The following PDE6B variants were observed in gnomAD, a reference collection of about 807,000 sequenced individuals.
The protein encoded by PDE6B is phosphodiesterase 6B, also known as rod cGMP-specific 3',5'-cyclic phosphodiesterase subunit beta.
PDE6B carries 106 observed loss-of-function variants against 109.0 expected under a neutral mutation model. The observed-to-expected ratio is 0.97, with a 90% CI of 0.83 to 1.14. The LOEUF is 1.14. Among genes scored for constraint, PDE6B ranks in the 50% most tolerant of loss-of-function variants. PDE6B has a pLI of 0.00. For missense variants in PDE6B, 1,193 were observed against 1,155.6 expected (o/e 1.03, Z -0.47); for synonymous variants, 490 against 471.3 (o/e 1.04, Z -0.51).
At chr4:655,756 C>A in intron 6 of PDE6B, 184 bp from the exon 7 acceptor site, 1 of 665,956 alleles carries the variant, frequency 1.5e-6, no homozygotes. Context: ...TCCAGCGCAG[C>A]CTGGCCCCTC....
At chr4:655,093 A>G (rs1736060067) in intron 6 of PDE6B, 1 of 608,856 alleles carries the variant, frequency 1.6e-6, no homozygotes, top group African/African-American at 1.8e-5. Flanking sequence ...GTTCTGGGAG[A>G]TGGTGAGGAG....
intron 3 of PDE6B, among the ~76,000 whole-genome samples, chr4:637,312 C>T (rs896623482): frequency 4.6e-5 from 7 of 151,964 alleles, no homozygotes; most frequent in Admixed American, 2.0e-4. Flanking sequence ...ACCTCTGCCC[C>T]CCCGGTTCAA....
intron 3 of PDE6B, among the ~76,000 whole-genome samples, chr4:649,771 A>G (rs1396410705): frequency 6.6e-6 from 1 of 151,716 alleles, no homozygotes; most frequent in Non-Finnish European, 1.5e-5. Context: ...CTCTGGCCCT[A>G]CTCCACTGGC....
In PDE6B at chr4:626,086, G is replaced by A. The variant is rs756889736; in HGVS notation, c.460G>A (p.Val154Met). Residue 154 changes from valine to methionine, a missense_variant, in exon 1 of 22, where the codon GTG becomes ATG. By Grantham distance (21) the Val-to-Met change is conservative. Transcript: ENST00000496514. The surrounding 1 kb of genome is among the most constrained non-coding windows in gnomAD (Gnocchi z 4.6). ...QTKKMVNVED[V>M]AECPHFSSFA... ...CAAAAAGATGGTGAACGTCGAGGACGTGGCCGAGGTGGGTCTGTGCGGAGC... is the reference window on the plus strand; with the variant it reads ...CAAAAAGATGGTGAACGTCGAGGACATGGCCGAGGTGGGTCTGTGCGGAGC... The A allele has an allele frequency of 8.3e-6, 13 of 1,569,416 alleles. No individual in the cohort carries two copies. The African/African-American group carries it at 9.5e-5, about 11-fold the overall frequency.
intron 3 of PDE6B, among the ~76,000 whole-genome samples, chr4:650,028 C>T (rs566192878): frequency 3.9e-5 from 6 of 152,342 alleles, no homozygotes; most frequent in Admixed American, 2.0e-4. Context: ...GGGACACAAC[C>T]TCAGCTTCCA....
At chr4:656,803 T>C in intron 8 of PDE6B, 71 bp from the exon 9 acceptor site, 7 of 1,480,712 alleles carry the variant, frequency 4.7e-6, no homozygotes, top group Non-Finnish European at 6.6e-6. Context: ...ATGAGGTCAC[T>C]CTCCCCGGCC....
Position 658,177 on chromosome 4 carries a change from T to C in PDE6B, c.1401+683T>C, listed in dbSNP as rs546271728. Among the ~76,000 whole-genome samples, 4 of 45,106 alleles carry C rather than the reference T, an allele frequency of 8.9e-5. No homozygotes were observed. In the East Asian group the frequency reaches 2.0e-3, roughly 23 times the overall value. The allele number at this position is 45,106 out of a possible 152,430, so 29.6% of individuals were successfully genotyped here. ...GTCACCAGGGGTCATGGCTGTATGGTGGGGGCAAGTCGCCAGGGGTCACGG... is the reference window on the plus strand; with the variant it reads ...GTCACCAGGGGTCATGGCTGTATGGCGGGGGCAAGTCGCCAGGGGTCACGG... On this transcript the variant is annotated intron_variant, in intron 10 of 21. Coordinates refer to ENST00000496514, the MANE Select transcript of PDE6B (RefSeq NM_000283.4).
Position 662,673 on chromosome 4 carries a change from G to T in PDE6B, c.1832+55G>T. ...AGCCCTAAATCAACTCCACGCCCTT[G>T]GCGTGAATTAGGCTTCGCATAGCAG... is the stretch of plus-strand genomic sequence containing the variant. On this transcript the variant is annotated intron_variant, in intron 14 of 21. Coordinates refer to ENST00000496514, the MANE Select transcript of PDE6B (RefSeq NM_000283.4). The surrounding 1 kb of genome is among the most constrained non-coding windows in gnomAD (Gnocchi z 4.3). The T allele has an allele frequency of 8.9e-7, 1 of 1,129,654 alleles. No homozygotes were observed. The highest frequency in any genetic ancestry group is 1.2e-5 in the South Asian group (1 of 81,512). The allele number at this position is 1,129,654 out of a possible 1,614,324, so 70.0% of individuals were successfully genotyped here.
In PDE6B at chr4:654,827, A is replaced by G; in HGVS notation, c.931A>G (p.Ile311Val). 6.5e-7 allele frequency: 1 copy of G among 1,539,152 alleles called. No individual in the cohort carries two copies. The highest frequency in any genetic ancestry group is 9.0e-7 in the Non-Finnish European group (1 of 1,111,600). ...ACCAGTGTCTTCTGCTTCTCAGGAAATTGTCTTCTACAAAGTGATCGACTA... is the reference window on the plus strand; with the variant it reads ...ACCAGTGTCTTCTGCTTCTCAGGAAGTTGTCTTCTACAAAGTGATCGACTA... ...SGPRTPDGREIVFYKVIDYVL... is the reference protein window; with the variant it reads ...SGPRTPDGREVVFYKVIDYVL... The change falls in exon 6 of 22, where the codon ATT becomes GTT. Residue 311 changes from isoleucine (I) to valine (V), a missense_variant. By Grantham distance (29) the Ile-to-Val change is conservative (BLOSUM62 3). Transcript: ENST00000496514.
rs926145554 is a variant in PDE6B, at chr4:633,702, G to A, written c.469-975G>A. ...CCCTGTGCCCACTGCAGGTCGCACA[G>A]GTGGGAAGTCCTGACCCCAGCAGGG... On this transcript the variant is annotated intron_variant, in intron 1 of 21. Coordinates refer to ENST00000496514, the MANE Select transcript of PDE6B (RefSeq NM_000283.4). The surrounding 1 kb of genome is among the most constrained non-coding windows in gnomAD (Gnocchi z 4.5). 6.6e-6 allele frequency among the ~76,000 whole-genome samples: 1 copy of A among 152,194 alleles called. No homozygotes were observed. The highest frequency in any genetic ancestry group is 1.5e-5 in the Non-Finnish European group (1 of 68,028).
rs566820870 is a variant in PDE6B at position 665,680 on chromosome 4, A to C, written c.2268+351A>C. ...GGGAGGGTGCTGGGGCAGAGAACGCATGGGGGGCGTCCCGGGCCCACACAG... is the reference window on the plus strand; with the variant it reads ...GGGAGGGTGCTGGGGCAGAGAACGCCTGGGGGGCGTCCCGGGCCCACACAG... On this transcript the variant is annotated intron_variant, in intron 19 of 21. Transcript: ENST00000496514. The surrounding 1 kb of genome is among the most constrained non-coding windows in gnomAD (Gnocchi z 4.0). Among the ~76,000 whole-genome samples, 17 of 152,206 alleles carry C rather than the reference A, an allele frequency of 1.1e-4. No individual in the cohort carries two copies. Among genetic ancestry groups the C allele is most frequent in the Admixed American group, 2.0e-4 (3 of 15,300 alleles).
Position 657,344 on chromosome 4 carries a change from C to T in PDE6B, c.1258-7C>T, listed in dbSNP as rs1471191246. Reference sequence around the variant, plus strand: ...CTGAGCGCCAGTGACACTGCCATCCCCTCCAGTCCCTGACACAGTTCCTGG... The same window carrying T: ...CTGAGCGCCAGTGACACTGCCATCCTCTCCAGTCCCTGACACAGTTCCTGG... On this transcript the variant is annotated splice_polypyrimidine_tract_variant and splice_region_variant and intron_variant, in intron 9 of 21. Coordinates refer to ENST00000496514, the MANE Select transcript of PDE6B (RefSeq NM_000283.4). 1 of 1,612,702 alleles carries T rather than the reference C, an allele frequency of 6.2e-7. No individual in the cohort carries two copies. The highest frequency in any genetic ancestry group is 1.3e-5 in the African/African-American group (1 of 74,940).
rs1734093097 is a variant in PDE6B at position 626,163 on chromosome 4, G to T, written c.468+69G>T. Reference sequence around the variant, plus strand: ...TTGCACCTGTCCCAGGTGTCTAAGGGTCAGCTCGGATCCTCAGGCCTCCAG... The same window carrying T: ...TTGCACCTGTCCCAGGTGTCTAAGGTTCAGCTCGGATCCTCAGGCCTCCAG... On this transcript the variant is annotated intron_variant, in intron 1 of 21. Transcript: ENST00000496514. The surrounding 1 kb of genome is among the most constrained non-coding windows in gnomAD (Gnocchi z 4.6). The T allele has an allele frequency of 2.0e-6, 2 of 981,238 alleles. No individual in the cohort carries two copies. Among genetic ancestry groups the T allele is most frequent in the East Asian group, 5.2e-5 (2 of 38,456 alleles). The allele number at this position is 981,238 out of a possible 1,614,324, so 60.8% of individuals were successfully genotyped here. A position where few individuals can be genotyped will look rare whatever the true frequency, so the allele number is the denominator to read the frequency against.
chr4:648,523 C>G lies in PDE6B; in HGVS notation c.712-5329C>G, dbSNP rs1735321728. ...GATTGAAGCAGCCTCTGGGCGCTCC[C>G]CCCTCCCTCTGTCCCGGGCCCTCAC... On this transcript the variant is annotated intron_variant, in intron 3 of 21. Coordinates refer to ENST00000496514, the MANE Select transcript of PDE6B (RefSeq NM_000283.4). This position sits in a 1 kb window ranked among gnomAD's most constrained non-coding sequence, Gnocchi z 4.5. Among the ~76,000 whole-genome samples the G allele has an allele frequency of 6.6e-6, 1 of 152,206 alleles. No homozygotes were observed. The highest frequency in any genetic ancestry group is 1.5e-5 in the Non-Finnish European group (1 of 68,036).
In PDE6B at chr4:662,788, G is replaced by A. The variant is rs558458704; in HGVS notation, c.1832+170G>A. 2.7e-5 allele frequency among the ~76,000 whole-genome samples: 4 copies of A among 149,082 alleles called. No homozygotes were observed. The highest frequency in any genetic ancestry group is 2.0e-4 in the East Asian group (1 of 5,070). Reference sequence around the variant, plus strand: ...GGGGATTGCTTGAGCCCAGGAGTTCGAGACCAGCCTGGGCAACATGGCAAG... The same window carrying A: ...GGGGATTGCTTGAGCCCAGGAGTTCAAGACCAGCCTGGGCAACATGGCAAG... On this transcript the variant is annotated intron_variant, in intron 14 of 21. Transcript: ENST00000496514. The surrounding 1 kb of genome is among the most constrained non-coding windows in gnomAD (Gnocchi z 4.3).
rs1737408480 is a variant in PDE6B at position 663,676 on chromosome 4, GAGGCACA to G, written c.1921-93_1921-87del. 1.1e-6 allele frequency: 1 copy of G among 891,028 alleles called. No homozygotes were observed. The highest frequency in any genetic ancestry group is 1.9e-6 in the Non-Finnish European group (1 of 538,490). The allele number at this position is 891,028 out of a possible 1,614,324, so 55.2% of individuals were successfully genotyped here. A position where few individuals can be genotyped will look rare whatever the true frequency, so the allele number is the denominator to read the frequency against. ...CGAGGGCCCGAGGGCGGGGGCGTGAGAGGCACAGGCAGCCGAGGCGGAAGGGGCGGGG... is the reference window on the plus strand; with the variant it reads ...CGAGGGCCCGAGGGCGGGGGCGTGAGGGCAGCCGAGGCGGAAGGGGCGGGG... On this transcript the variant is annotated intron_variant, in intron 15 of 21. Coordinates refer to ENST00000496514, the MANE Select transcript of PDE6B (RefSeq NM_000283.4). The surrounding 1 kb of genome is among the most constrained non-coding windows in gnomAD (Gnocchi z 4.0).
chr4:631,271 G>C (rs535042974), intron 1 of PDE6B, among the ~76,000 whole-genome samples: 70 of 152,348 alleles, frequency 4.6e-4, no homozygotes, highest in East Asian at 1.7e-3. Context: ...GGGGCAGAGA[G>C]AAGTGACAGA....
At position 666,544 on chromosome 4, in the gene PDE6B, G is replaced by T; in HGVS notation, c.2282G>T (p.Arg761Leu). ...TCCTCCCACCAGCCTATGATGGACC[G>T]GAACAAGGCGGCCGAGCTCCCCAAG... The part of the protein sequence containing the change: ...LDQQPIPMMD[R>L]NKAAELPKLQ... Residue 761 changes from arginine to leucine, a missense_variant, in exon 20 of 22, where the codon CGG (arginine) becomes CTG (leucine). Arg to Leu is a moderately radical substitution (Grantham distance 102). Transcript: ENST00000496514. The surrounding 1 kb of genome is among the most constrained non-coding windows in gnomAD (Gnocchi z 5.6). The T allele has an allele frequency of 6.2e-7, 1 of 1,612,128 alleles. No individual in the cohort carries two copies. The highest frequency in any genetic ancestry group is 8.5e-7 in the Non-Finnish European group (1 of 1,178,480).
chr4:648,077 A>G lies in PDE6B; in HGVS notation c.712-5775A>G, dbSNP rs910146216. ...GCAACAAGAGCAAAACTCCATCTCG[A>G]AAAAAAAAAGAAAGAAAGAGCCAAG... On this transcript the variant is annotated intron_variant, in intron 3 of 21. Transcript: ENST00000496514. The surrounding 1 kb of genome is among the most constrained non-coding windows in gnomAD (Gnocchi z 4.5). Among the ~76,000 whole-genome samples the G allele has an allele frequency of 9.1e-5, 13 of 142,660 alleles. No individual in the cohort carries two copies. Among genetic ancestry groups the G allele is most frequent in the African/African-American group, 2.9e-4 (10 of 33,988 alleles). 93.6% of individuals were successfully genotyped at this position (142,660 alleles called of 152,430 possible). A position where few individuals can be genotyped will look rare whatever the true frequency, so the allele number is the denominator to read the frequency against.
Sources: allele counts gnomAD v4.1 joint callset (sites outside exome capture counted in the v4.1 genomes callset), GRCh38; gene constraint gnomAD v4.1.1; non-coding constraint Gnocchi (gnomAD v3.1); transcripts MANE v1.5; gene names NCBI Gene and HGNC (gene_info 2026-07-23, HGNC 2026-07-21).